PRMT3: variants seen among roughly 807,000 people sequenced by gnomAD.
PRMT3 encodes the protein protein arginine N-methyltransferase 3.
A neutral mutation model predicts 71.9 loss-of-function variants in PRMT3; 62 were observed. The ratio of observed to expected loss-of-function variants is 0.86; its 90% CI spans 0.70 to 1.07. The LOEUF (loss-of-function observed/expected upper bound fraction) is 1.07, where lower values mean the gene tolerates loss of function less well. Ranked by LOEUF, PRMT3 falls within the 50% of genes least tolerant of loss-of-function variation. PRMT3 has a pLI of 0.00. For missense variants in PRMT3, 663 were observed against 643.0 expected (o/e 1.03, Z -0.34); for synonymous variants, 213 against 220.4 (o/e 0.97, Z 0.30).
intron 13 of PRMT3, among the ~76,000 whole-genome samples, chr11:20,476,742 T>C (rs1317422627): frequency 1.8e-5 from 1 of 54,950 alleles, no homozygotes; most frequent in Non-Finnish European, 3.6e-5. Flanking sequence ...CAATTTCTAT[T>C]TTCATTTTTA....
chr11:20,440,381 C>G (rs1007006642), intron 10 of PRMT3, among the ~76,000 whole-genome samples: 3 of 151,154 alleles, frequency 2.0e-5, no homozygotes, highest in African/African-American at 4.9e-5. Context: ...TGTGGTGGCT[C>G]ACGCCTGTAA....
At chr11:20,456,045 G>A (rs968619115) in intron 11 of PRMT3, among the ~76,000 whole-genome samples, 2 of 152,030 alleles carry the variant, frequency 1.3e-5, no homozygotes, top group African/African-American at 2.4e-5. Context: ...AAATCTAATT[G>A]CATCTATATA....
At chr11:20,459,013 AT>A (rs11315488) in intron 11 of PRMT3, among the ~76,000 whole-genome samples, 147,987 of 152,140 alleles carry the variant, frequency 0.97, 72,303 homozygotes, top group Middle Eastern at 1. Context: ...CATATAGTAA[AT>A]TTTTTTTCAG....
chr11:20,389,740 T>C lies in PRMT3; in HGVS notation c.165-4T>C, dbSNP rs1307939338. ...TTCCATGAAGCTATTGCTTGATTTT[T>C]CAGGTTATTCACATCTGCTGAAGAA... On this transcript the variant is annotated splice_region_variant and splice_polypyrimidine_tract_variant and intron_variant, in intron 2 of 15. Coordinates refer to ENST00000331079, the MANE Select transcript of PRMT3 (RefSeq NM_005788.4). 1.9e-6 allele frequency: 3 copies of C among 1,600,790 alleles called. No individual in the cohort carries two copies. The highest frequency in any genetic ancestry group is 2.6e-6 in the Non-Finnish European group (3 of 1,169,156).
rs1457324959 is a variant in PRMT3, at chr11:20,508,529, GC to G, written c.*118del. The G allele has an allele frequency of 6.6e-6, 5 of 752,162 alleles. No homozygotes were observed. The highest frequency in any genetic ancestry group is 1.2e-5 in the Non-Finnish European group (5 of 414,380). The allele number at this position is 752,162 out of a possible 1,614,324, so 46.6% of individuals were successfully genotyped here. On this transcript the variant is annotated 3_prime_UTR_variant, in exon 16 of 16. Transcript: ENST00000331079. ...TGGATGATGGACCCTTTCCTAATGA[GC>G]CTCCTCAATAAGAGAGAAGTTCTCA...
At position 20,395,725 on chromosome 11, in the gene PRMT3, C is replaced by G; in HGVS notation, c.401-78C>G. ...TTGGCCACATAGTAGAAACTTAGGG[C>G]GTATTTATTCCTAACATATTTATAC... On this transcript the variant is annotated intron_variant, in intron 5 of 15. Transcript: ENST00000331079. 14 of 1,350,300 alleles carry G rather than the reference C, an allele frequency of 1.0e-5. No individual in the cohort carries two copies. In the South Asian group the frequency reaches 2.0e-4, roughly 19 times the overall value. 83.6% of individuals were successfully genotyped at this position (1,350,300 alleles called of 1,614,324 possible). A position where few individuals can be genotyped will look rare whatever the true frequency, so the allele number is the denominator to read the frequency against.
chr11:20,433,391 T>C (rs926769861), intron 10 of PRMT3, among the ~76,000 whole-genome samples: 1 of 151,936 alleles, frequency 6.6e-6, no homozygotes, highest in Non-Finnish European at 1.5e-5. Context: ...GATCTCATTC[T>C]TTTTTATGGC....
intron 5 of PRMT3, among the ~76,000 whole-genome samples, chr11:20,395,519 A>ATT (rs1391298194): frequency 2.1e-5 from 3 of 142,294 alleles, no homozygotes; most frequent in Admixed American, 7.0e-5. Flanking sequence ...AACTTTTTGT[A>ATT]TTTTTTTTTT....
chr11:20,496,938 G>A (rs1045205437), intron 15 of PRMT3, among the ~76,000 whole-genome samples: 11 of 152,144 alleles, frequency 7.2e-5, no homozygotes, highest in African/African-American at 2.2e-4. Flanking sequence ...GAAAGCTTCA[G>A]CACAGCAAAA....
At chr11:20,498,073 GAAGAA>G (rs1851373819) in intron 15 of PRMT3, among the ~76,000 whole-genome samples, 1 of 152,172 alleles carries the variant, frequency 6.6e-6, no homozygotes, top group Admixed American at 6.5e-5. Context: ...ATTAATGGCA[GAAGAA>G]AAGATCAGTG....
chr11:20,472,855 T>C (rs1850682432), intron 13 of PRMT3, among the ~76,000 whole-genome samples: 1 of 150,782 alleles, frequency 6.6e-6, no homozygotes, highest in African/African-American at 2.4e-5. Context: ...TCCTGGGCTT[T>C]TTTTGGAGGG....
rs571001834 is a variant in PRMT3 at position 20,403,490 on chromosome 11, T to C, written c.771+506T>C. Among the ~76,000 whole-genome samples the C allele has an allele frequency of 9.2e-5, 14 of 152,320 alleles. 1 individual carries two copies. The South Asian group carries it at 2.9e-3, about 32-fold the overall frequency. Reference sequence around the variant, plus strand: ...TTTAGAGATACTTTGTATTTTACAATTAATTTTAATATTGGCTCAAGTTAT... The same window carrying C: ...TTTAGAGATACTTTGTATTTTACAACTAATTTTAATATTGGCTCAAGTTAT... On this transcript the variant is annotated intron_variant, in intron 8 of 15. Coordinates refer to ENST00000331079, the MANE Select transcript of PRMT3 (RefSeq NM_005788.4).
Position 20,441,542 on chromosome 11 carries a change from C to T in PRMT3, c.994-10588C>T, listed in dbSNP as rs187208877. On this transcript the variant is annotated intron_variant, in intron 10 of 15. Transcript: ENST00000331079. ...CAGGATGGTCTCGATCTCCTGACCT[C>T]GTGATCCACCAGCCTCGGCCTCCCA... 9.5e-3 allele frequency among the ~76,000 whole-genome samples: 1,446 copies of T among 151,686 alleles called. 28 individuals carry two copies. The highest frequency in any genetic ancestry group is 0.034 in the African/African-American group (1,393 of 41,408).
chr11:20,449,663 T>C (rs937263781), intron 10 of PRMT3, among the ~76,000 whole-genome samples: 3 of 152,126 alleles, frequency 2.0e-5, no homozygotes, highest in Non-Finnish European at 2.9e-5. Context: ...ATTTTAACGA[T>C]TATCACCACC....
chr11:20,499,577 T>C (rs1565240834), intron 15 of PRMT3, among the ~76,000 whole-genome samples: 2 of 152,140 alleles, frequency 1.3e-5, no homozygotes, highest in East Asian at 1.9e-4. Flanking sequence ...TGGTGAGCTA[T>C]GATTGCATTA....
intron 6 of PRMT3, among the ~76,000 whole-genome samples, chr11:20,396,936 A>G (rs1451416451): frequency 2.6e-5 from 4 of 152,216 alleles, no homozygotes; most frequent in African/African-American, 9.6e-5. Flanking sequence ...GTTTGCCAGA[A>G]TGAATGTCCA....
At chr11:20,491,630 G>C (rs1164566541) in intron 13 of PRMT3, among the ~76,000 whole-genome samples, 1 of 152,130 alleles carries the variant, frequency 6.6e-6, no homozygotes. Context: ...GACTTTTACA[G>C]ATTTTTCCAA....
chr11:20,478,820 T>C (rs765133603), intron 13 of PRMT3, among the ~76,000 whole-genome samples: 1 of 152,236 alleles, frequency 6.6e-6, no homozygotes, highest in Non-Finnish European at 1.5e-5. Context: ...TTAAATCTTA[T>C]AATGCTTCTG....
intron 11 of PRMT3, among the ~76,000 whole-genome samples, chr11:20,457,460 G>C (rs1850292613): frequency 6.6e-6 from 1 of 151,990 alleles, no homozygotes; most frequent in East Asian, 1.9e-4. Flanking sequence ...TATTTATTTG[G>C]GCAAGTTACT....
Sources: gnomAD v4.1 joint callset for allele counts (sites outside exome capture counted in the v4.1 genomes callset) on GRCh38, gnomAD v4.1.1 for gene constraint, MANE v1.5 for transcripts, NCBI Gene and HGNC (gene_info 2026-07-23, HGNC 2026-07-21) for gene names.